The following STOML3 variants were observed in gnomAD, a reference collection of about 807,000 sequenced individuals.
STOML3 encodes the protein stomatin like 3, also known as stomatin-like protein 3.
In STOML3, 31 loss-of-function variants were observed where a neutral mutation model predicts 29.5. That is an observed-to-expected ratio of 1.05 (90% CI 0.79 to 1.42). The LOEUF (loss-of-function observed/expected upper bound fraction) is 1.42. Ranked by LOEUF, STOML3 falls within the 40% of genes most tolerant of loss-of-function variation. STOML3 has a pLI of 0.00. For missense variants in STOML3, 380 were observed against 363.0 expected, an observed-to-expected ratio of 1.05 and a Z score of -0.38; for synonymous variants, 122 against 139.8, an observed-to-expected ratio of 0.87 and a Z score of 0.90.
intron 3 of STOML3, among the ~76,000 whole-genome samples, chr13:38,973,371 C>A (rs1042212080): frequency 1.3e-5 from 2 of 152,032 alleles, no homozygotes; most frequent in Non-Finnish European, 2.9e-5. Flanking sequence ...AACAAAATAC[C>A]ATAAACTGGG....
At chr13:38,976,643 A>G (rs1456742894) in intron 2 of STOML3, 31 bp from the exon 3 acceptor site, 18 of 1,614,052 alleles carry the variant, frequency 1.1e-5, no homozygotes, top group Non-Finnish European at 1.4e-5. Context: ...GTTTAGTCCT[A>G]ATGGTTTGTC....
intron 3 of STOML3, among the ~76,000 whole-genome samples, chr13:38,974,056 C>T (rs1880984494): frequency 6.6e-6 from 1 of 152,076 alleles, no homozygotes; most frequent in African/African-American, 2.4e-5. Context: ...CTACTTCTTT[C>T]TGATTTGTGA....
Position 38,976,805 on chromosome 13 carries a change from A to G in STOML3, c.53-8T>C. On this transcript the variant is annotated splice_region_variant and splice_polypyrimidine_tract_variant and intron_variant, in intron 1 of 6. Coordinates refer to ENST00000379631, the MANE Select transcript of STOML3 (RefSeq NM_145286.3). ...GCCGTTTATTGTTGACACCTAGGAAATGAGAAGGAAGCAAATATGTGATCA... is the reference window on the plus strand; with the variant it reads ...GCCGTTTATTGTTGACACCTAGGAAGTGAGAAGGAAGCAAATATGTGATCA... 3 of 1,610,168 alleles carry G rather than the reference A, an allele frequency of 1.9e-6. No homozygotes were observed. Among genetic ancestry groups the G allele is most frequent in the Non-Finnish European group, 2.5e-6 (3 of 1,177,356 alleles).
chr13:38,977,809 G>A (rs1354452633), intron 1 of STOML3, among the ~76,000 whole-genome samples: 1 of 141,336 alleles, frequency 7.1e-6, no homozygotes, highest in African/African-American at 2.6e-5. Context: ...GCCCAGGCTG[G>A]AGTACAGTGG....
At position 38,966,686 on chromosome 13, in the gene STOML3, T is replaced by G. The variant is rs1156732418; in HGVS notation, c.*139A>C. 16 of 735,776 alleles carry G rather than the reference T, an allele frequency of 2.2e-5. No homozygotes were observed. Among genetic ancestry groups the G allele is most frequent in the Non-Finnish European group, 3.6e-5 (16 of 442,510 alleles). The allele number at this position is 735,776 out of a possible 1,614,324, so 45.6% of individuals were successfully genotyped here. A position where few individuals can be genotyped will look rare whatever the true frequency, so the allele number is the denominator to read the frequency against. On this transcript the variant is annotated 3_prime_UTR_variant, in exon 7 of 7. Coordinates refer to ENST00000379631, the MANE Select transcript of STOML3 (RefSeq NM_145286.3). ...TTCTTCTCTGTATAGCCTCTAGAGC[T>G]TTTTCCTGCCAATGCTCTTCCATCT...
chr13:38,972,984 C>T (rs1445453333), intron 3 of STOML3, among the ~76,000 whole-genome samples: 9 of 151,414 alleles, frequency 5.9e-5, no homozygotes, highest in Admixed American at 4.6e-4. Flanking sequence ...TAAGGCTGGG[C>T]GCGGTGGCTC....
chr13:38,988,993 A>G (rs1447947411), intron 1 of STOML3, among the ~76,000 whole-genome samples: 1 of 146,460 alleles, frequency 6.8e-6, no homozygotes, highest in Non-Finnish European at 1.5e-5. Context: ...TACATAATAT[A>G]TATCATACAT....
At chr13:38,979,848 C>T (rs751420539) in intron 1 of STOML3, among the ~76,000 whole-genome samples, 10 of 152,150 alleles carry the variant, frequency 6.6e-5, no homozygotes, top group African/African-American at 9.7e-5. Context: ...TCCTCCCTCC[C>T]GGCACTGAAA....
At chr13:38,972,193 T>C (rs931203130) in intron 4 of STOML3, among the ~76,000 whole-genome samples, 7 of 152,164 alleles carry the variant, frequency 4.6e-5, no homozygotes, top group Non-Finnish European at 1.0e-4. Flanking sequence ...TGACTGTCTG[T>C]CTCTTCCAAG....
At chr13:38,990,569 C>A in intron 1 of STOML3, 101 bp downstream of exon 1, 1 of 1,174,434 alleles carries the variant, frequency 8.5e-7, no homozygotes, top group East Asian at 2.5e-5. Flanking sequence ...CCGATTTCTG[C>A]AAATATATCT....
chr13:38,976,020 A>T (rs569152627), intron 3 of STOML3, among the ~76,000 whole-genome samples: 3 of 152,110 alleles, frequency 2.0e-5, no homozygotes, highest in African/African-American at 7.2e-5. Context: ...TTTGTTTTCA[A>T]AACCAAGGGA....
chr13:38,977,575 T>C (rs1881124966), intron 1 of STOML3, among the ~76,000 whole-genome samples: 1 of 152,174 alleles, frequency 6.6e-6, no homozygotes, highest in Non-Finnish European at 1.5e-5. Flanking sequence ...AGTTTTGTTA[T>C]GTTGGCTCAT....
intron 1 of STOML3, among the ~76,000 whole-genome samples, chr13:38,989,003 T>A (rs1054010948): frequency 6.8e-6 from 1 of 146,546 alleles, no homozygotes; most frequent in African/African-American, 2.5e-5. Flanking sequence ...ATATCATACA[T>A]TATATACTAT....
At chr13:38,972,463 G>A in intron 4 of STOML3, 49 bp downstream of exon 4, 1 of 1,556,232 alleles carries the variant, frequency 6.4e-7, no homozygotes, top group Non-Finnish European at 8.8e-7. Flanking sequence ...CCTTATAATA[G>A]AGAAAATACA....
At chr13:38,988,007 A>G (rs1461015801) in intron 1 of STOML3, among the ~76,000 whole-genome samples, 2 of 107,624 alleles carry the variant, frequency 1.9e-5, no homozygotes, top group Non-Finnish European at 3.4e-5. Flanking sequence ...TTTATATCAT[A>G]TATTTTATAT....
rs1566206278 is a variant in STOML3 at position 38,976,678 on chromosome 13, T to C, written c.156+16A>G. ...CAGTTCATATAGATAGCCCAGTTTA[T>C]TTCCCAGGGTGTTACCTTCAAGCAC... is the stretch of plus-strand genomic sequence containing the variant. On this transcript the variant is annotated intron_variant, in intron 2 of 6. Transcript: ENST00000379631. 1.2e-6 allele frequency: 2 copies of C among 1,614,022 alleles called. No homozygotes were observed. Among genetic ancestry groups the C allele is most frequent in the Non-Finnish European group, 1.7e-6 (2 of 1,179,938 alleles).
Position 38,968,588 on chromosome 13 carries a change from T to C in STOML3, c.517-54A>G, listed in dbSNP as rs1401011464. The C allele has an allele frequency of 4.4e-6, 7 of 1,598,384 alleles. 1 individual carries two copies. The highest frequency in any genetic ancestry group is 5.1e-6 in the Non-Finnish European group (6 of 1,167,692). On this transcript the variant is annotated intron_variant, in intron 5 of 6. Coordinates refer to ENST00000379631, the MANE Select transcript of STOML3 (RefSeq NM_145286.3). ...TAAGAAAGACAGGTGATATGATGTA[T>C]GTTTCTGATATGTTTTATACTTTCA...
chr13:38,981,478 T>C (rs1410615303), intron 1 of STOML3, among the ~76,000 whole-genome samples: 5 of 152,186 alleles, frequency 3.3e-5, no homozygotes, highest in Admixed American at 2.0e-4. Flanking sequence ...AAATGAATTA[T>C]AGTAAATAAA....
At chr13:38,990,517 A>G (rs2138034820) in intron 1 of STOML3, among the ~76,000 whole-genome samples, 153 bp downstream of exon 1, 1 of 152,216 alleles carries the variant, frequency 6.6e-6, no homozygotes, top group East Asian at 1.9e-4. Flanking sequence ...AAATCAGCAT[A>G]AGCAATGAAT....
Sources: gnomAD v4.1 joint callset for allele counts (sites outside exome capture counted in the v4.1 genomes callset) on GRCh38, gnomAD v4.1.1 for gene constraint, MANE v1.5 for transcripts, NCBI Gene and HGNC (gene_info 2026-07-23, HGNC 2026-07-21) for gene names.